AFG2A: variants seen among roughly 807,000 people sequenced by gnomAD.
AFG2A encodes the protein AAA ATPase AFG2A, also known as ATPase family gene 2 protein homolog A.
the AFG2A span, among the ~76,000 whole-genome samples, chr4:123,002,348 T>C: frequency 2.0e-5 from 3 of 152,188 alleles, no homozygotes; most frequent in Non-Finnish European, 4.4e-5. Context: ...CCTGTCATTA[T>C]GATGTTAGCT....
chr4:123,053,764 A>C, the AFG2A span, among the ~76,000 whole-genome samples: 1 of 151,890 alleles, frequency 6.6e-6, no homozygotes, highest in Non-Finnish European at 1.5e-5. Context: ...CGGATTTGGA[A>C]AGCTTGTCTT....
chr4:122,968,388 C>T, the AFG2A span, among the ~76,000 whole-genome samples: 1 of 152,158 alleles, frequency 6.6e-6, no homozygotes, highest in Non-Finnish European at 1.5e-5. Flanking sequence ...CCACTCAGAT[C>T]AAGATACAGA....
At chr4:123,127,739 A>C in the AFG2A span, among the ~76,000 whole-genome samples, 1 of 152,110 alleles carries the variant, frequency 6.6e-6, no homozygotes, top group African/African-American at 2.4e-5. Flanking sequence ...CTTTTATGGA[A>C]TACCTTTATT....
At chr4:122,924,978 C>T in the AFG2A span, among the ~76,000 whole-genome samples, 1 of 152,228 alleles carries the variant, frequency 6.6e-6, no homozygotes, top group South Asian at 2.1e-4. Flanking sequence ...CGTTGTGGGT[C>T]ATATTTTGAA....
At chr4:123,268,330 T>C in the AFG2A span, among the ~76,000 whole-genome samples, 1 of 152,002 alleles carries the variant, frequency 6.6e-6, no homozygotes, top group Non-Finnish European at 1.5e-5. Flanking sequence ...AATGGAAGAA[T>C]TGGATGATCA....
chr4:122,963,137 A>G, the AFG2A span, among the ~76,000 whole-genome samples: 1 of 152,214 alleles, frequency 6.6e-6, no homozygotes, highest in Non-Finnish European at 1.5e-5. Flanking sequence ...TACCTCAATG[A>G]ATAAGATAGA....
At chr4:123,278,781 T>C in the AFG2A span, among the ~76,000 whole-genome samples, 1 of 152,276 alleles carries the variant, frequency 6.6e-6, no homozygotes, top group East Asian at 1.9e-4. Context: ...TTTCTTGATA[T>C]TGGTTTCTAT....
chr4:123,112,144 A>G, the AFG2A span, among the ~76,000 whole-genome samples: 1 of 152,074 alleles, frequency 6.6e-6, no homozygotes, highest in Admixed American at 6.6e-5. Flanking sequence ...AGAACTCTGG[A>G]CTCCAAAATC....
chr4:122,923,157 G>C, the AFG2A span: 19 of 1,614,098 alleles, frequency 1.2e-5, no homozygotes, highest in Non-Finnish European at 1.6e-5. Context: ...CTTCCAAGAA[G>C]AATAGAAAGC....
chr4:123,005,101 T>C, the AFG2A span, among the ~76,000 whole-genome samples: 1 of 152,324 alleles, frequency 6.6e-6, no homozygotes, highest in East Asian at 1.9e-4. Context: ...CTTTCTCTTT[T>C]CCTTGGCTAG....
chr4:123,037,253 A>G, the AFG2A span, among the ~76,000 whole-genome samples: 1 of 150,616 alleles, frequency 6.6e-6, no homozygotes, highest in African/African-American at 2.5e-5. Context: ...ATGTAAAATA[A>G]TGAAGCACAG....
the AFG2A span, among the ~76,000 whole-genome samples, chr4:123,181,201 GT>G: frequency 2.0e-5 from 3 of 151,784 alleles, no homozygotes; most frequent in Non-Finnish European, 4.4e-5. Context: ...AGCCAGGATG[GT>G]CTCGATCTCC....
the AFG2A span, among the ~76,000 whole-genome samples, chr4:122,942,727 A>T: frequency 6.6e-6 from 1 of 151,402 alleles, no homozygotes; most frequent in African/African-American, 2.4e-5. Flanking sequence ...TTGTGTTGTT[A>T]GGGTGTCAAT....
chr4:123,234,050 C>T, the AFG2A span, among the ~76,000 whole-genome samples: 1 of 152,090 alleles, frequency 6.6e-6, no homozygotes, highest in Non-Finnish European at 1.5e-5. Context: ...ACACGTCTTA[C>T]ATGCCTGATG....
At chr4:123,184,429 G>A in the AFG2A span, among the ~76,000 whole-genome samples, 1 of 150,690 alleles carries the variant, frequency 6.6e-6, no homozygotes. Context: ...TCCGACTTAA[G>A]AAGAAAAATC....
At chr4:123,124,150 A>G in the AFG2A span, among the ~76,000 whole-genome samples, 1 of 152,036 alleles carries the variant, frequency 6.6e-6, no homozygotes, top group African/African-American at 2.4e-5. Context: ...ATATACCCAA[A>G]CGATTATAAA....
the AFG2A span, among the ~76,000 whole-genome samples, chr4:123,275,579 G>A: frequency 2.6e-5 from 4 of 152,038 alleles, no homozygotes; most frequent in Non-Finnish European, 4.4e-5. Context: ...TTCATGTACA[G>A]ATCATTTCAT....
chr4:123,189,220 A>T, the AFG2A span, among the ~76,000 whole-genome samples: 10 of 151,982 alleles, frequency 6.6e-5, no homozygotes, highest in Non-Finnish European at 1.5e-4. Flanking sequence ...TGCTCTGCGG[A>T]ATTCTCTCTT....
chr4:123,210,442 T>A, the AFG2A span, among the ~76,000 whole-genome samples: 1 of 152,250 alleles, frequency 6.6e-6, no homozygotes, highest in East Asian at 1.9e-4. Context: ...CATGGGATAT[T>A]TGAATTTCTG....
Sources: allele counts gnomAD v4.1 joint callset (sites outside exome capture counted in the v4.1 genomes callset), GRCh38; gene constraint gnomAD v4.1.1; transcripts MANE v1.5; gene names NCBI Gene and HGNC (gene_info 2026-07-23, HGNC 2026-07-21).